The following TSPAN16 variants were observed in gnomAD, a reference collection of about 807,000 sequenced individuals.
TSPAN16 encodes tetraspanin 16, also known as tetraspanin-16.
A neutral mutation model predicts 25.2 loss-of-function variants in TSPAN16; 23 were observed. That is an observed-to-expected ratio of 0.91 (90% CI 0.66 to 1.29). TSPAN16 has a LOEUF of 1.29. TSPAN16 is among the 50% of genes most tolerant of loss of function. The pLI, the probability that TSPAN16 is intolerant of heterozygous loss-of-function variation, is 0.00. For synonymous variants in TSPAN16, 123 were observed against 124.4 expected (o/e 0.99, Z 0.08); for missense variants, 272 against 299.9 (o/e 0.91, Z 0.69).
At chr19:11,324,494 CCAGCTAAA>C (rs139489541) in intron 6 of TSPAN16, 32,922 of 152,178 alleles carry the variant, frequency 0.22, 6,463 homozygotes, top group African/African-American at 0.53. Flanking sequence ...TAAAACACAA[CCAGCTAAA>C]CAGCTAAACA....
At chr19:11,296,524 G>A (rs1396795409) in intron 1 of TSPAN16, among the ~76,000 whole-genome samples, 158 bp downstream of exon 1, 1 of 152,116 alleles carries the variant, frequency 6.6e-6, no homozygotes, top group Non-Finnish European at 1.5e-5. Flanking sequence ...GGAGGAGCAG[G>A]GAGCGTGGGG....
chr19:11,306,137 G>A (rs770879633), intron 4 of TSPAN16, among the ~76,000 whole-genome samples: 11 of 152,244 alleles, frequency 7.2e-5, no homozygotes, highest in Admixed American at 2.0e-4. Flanking sequence ...GCGTGGGGGC[G>A]TGTGCCTGAA....
intron 6 of TSPAN16, among the ~76,000 whole-genome samples, chr19:11,325,929 G>A (rs934395013): frequency 6.6e-6 from 1 of 151,930 alleles, no homozygotes; most frequent in African/African-American, 2.4e-5. Flanking sequence ...TTTTTAAAAA[G>A]TAGATGGGCG....
At chr19:11,311,415 T>G (rs1232949354) in intron 5 of TSPAN16, among the ~76,000 whole-genome samples, 2 of 151,022 alleles carry the variant, frequency 1.3e-5, no homozygotes, top group South Asian at 2.1e-4. Flanking sequence ...ATTATAGGCA[T>G]GAACCACCAC....
chr19:11,309,597 A>C (rs1241935570), intron 5 of TSPAN16, among the ~76,000 whole-genome samples: 1 of 152,176 alleles, frequency 6.6e-6, no homozygotes, highest in African/African-American at 2.4e-5. Context: ...CTTCCCATCT[A>C]TAAAAGTATC....
At position 11,296,313 on chromosome 19, in the gene TSPAN16, A is replaced by T; in HGVS notation, c.16A>T (p.Thr6Ser). 1 of 1,613,988 alleles carries T rather than the reference A, an allele frequency of 6.2e-7. No individual in the cohort carries two copies. Among genetic ancestry groups the T allele is most frequent in the South Asian group, 1.1e-5 (1 of 91,066 alleles). The change falls in exon 1 of 7, where the codon ACT becomes TCT. Residue 6 changes from threonine to serine, a missense_variant. Coordinates refer to ENST00000590327, the MANE Select transcript of TSPAN16 (RefSeq NM_001282509.2). ...TCTGTTCAGCATGGCTGAAATCCAC[A>T]CTCCGTATTCTTCCTTGAAGAAACT... MAEIH[T>S]PYSSLKKLLS...
intron 6 of TSPAN16, chr19:11,325,492 T>TCG (rs779863422): frequency 1.9e-6 from 3 of 1,613,414 alleles, no homozygotes; most frequent in Non-Finnish European, 2.5e-6. Context: ...TTCCAGGGAC[T>TCG]CGTTCATCTT....
chr19:11,310,743 T>C (rs536092154), intron 5 of TSPAN16, among the ~76,000 whole-genome samples: 3 of 152,330 alleles, frequency 2.0e-5, no homozygotes, highest in Admixed American at 2.0e-4. Context: ...TCTGTTCATA[T>C]GTAAAGAGCA....
chr19:11,304,754 G>C (rs2080607267), intron 4 of TSPAN16, among the ~76,000 whole-genome samples: 1 of 152,068 alleles, frequency 6.6e-6, no homozygotes, highest in South Asian at 2.1e-4. Context: ...TTGATCTCCT[G>C]ACCTCGTGAT....
intron 6 of TSPAN16, among the ~76,000 whole-genome samples, chr19:11,313,542 ATT>A (rs773991466): frequency 4.0e-5 from 6 of 148,716 alleles, no homozygotes; most frequent in Non-Finnish European, 5.9e-5. Context: ...AAAAAAAAAA[ATT>A]ATATCTTAAT....
downstream of TSPAN16, among the ~76,000 whole-genome samples, chr19:11,319,735 G>A (rs2080766595): frequency 6.6e-6 from 1 of 152,164 alleles, no homozygotes; most frequent in Admixed American, 6.6e-5. Context: ...TTGGGGAGGG[G>A]GGCACCACCC....
chr19:11,306,686 G>A lies in TSPAN16; in HGVS notation c.533G>A (p.Ser178Asn), dbSNP rs146263760. 6.2e-6 allele frequency: 10 copies of A among 1,613,964 alleles called. No individual in the cohort carries two copies. The highest frequency in any genetic ancestry group is 8.5e-6 in the Non-Finnish European group (10 of 1,180,046). The change falls in exon 5 of 7, where the codon AGT (serine) becomes AAT (asparagine). Residue 178 changes from serine to asparagine, a missense_variant. Coordinates refer to ENST00000590327, the MANE Select transcript of TSPAN16 (RefSeq NM_001282509.2). The part of the protein sequence containing the change: ...EMTTGHTYPR[S>N]CCKSIGSVSC... ...ACAACGGGCCACACCTACCCCAGGA[G>A]TTGCTGTAAATCCATCGGAAGTGTG... is the stretch of plus-strand genomic sequence containing the variant.
exon 7 of TSPAN16, chr19:11,326,890 G>C (rs318688): frequency 1.9e-5 from 11 of 564,648 alleles, no homozygotes; most frequent in Non-Finnish European, 3.5e-5. Flanking sequence ...GTTTACCAGC[G>C]TGAGCCACCA....
At chr19:11,300,714 G>A (rs368421762) in intron 3 of TSPAN16, 3 of 154,256 alleles carry the variant, frequency 1.9e-5, no homozygotes, top group Admixed American at 6.3e-5. Context: ...GAAGGGGTGG[G>A]AGAGAGACTT....
At chr19:11,322,520 G>C (rs145220050) in intron 6 of TSPAN16, 1 of 152,094 alleles carries the variant, frequency 6.6e-6, no homozygotes, top group Non-Finnish European at 1.5e-5. Context: ...GTTTTCCCAC[G>C]GCCTTTGGTT....
intron 4 of TSPAN16, among the ~76,000 whole-genome samples, chr19:11,301,828 AT>A (rs34234134): frequency 1.2e-3 from 169 of 144,716 alleles, no homozygotes; most frequent in Middle Eastern, 7.1e-3. Flanking sequence ...ATCGTTTAAC[AT>A]TTTTTTTTTT....
At chr19:11,318,807 C>A (rs1476139682), downstream of TSPAN16, among the ~76,000 whole-genome samples, 1 of 152,082 alleles carries the variant, frequency 6.6e-6, no homozygotes, top group African/African-American at 2.4e-5. Context: ...CCACCACACA[C>A]GGCTAATTTT....
In TSPAN16 at chr19:11,302,678, TACACAC is replaced by T. The variant is rs144679719; in HGVS notation, c.450+1394_450+1399del. Among the ~76,000 whole-genome samples the T allele has an allele frequency of 5.6e-4, 71 of 126,518 alleles. 1 individual carries two copies. Among genetic ancestry groups the T allele is most frequent in the East Asian group, 2.5e-3 (12 of 4,750 alleles). The allele number at this position is 126,518 out of a possible 152,430, so 83.0% of individuals were successfully genotyped here. ...ACACATACATATATATATATATATATACACACACACACACACACACACACACACATA... is the reference window on the plus strand; with the variant it reads ...ACACATACATATATATATATATATATACACACACACACACACACACACATA... On this transcript the variant is annotated intron_variant, in intron 4 of 6. Transcript: ENST00000590327.
At chr19:11,300,642 G>A (rs1264923112) in intron 3 of TSPAN16, 1 of 152,890 alleles carries the variant, frequency 6.5e-6, no homozygotes, top group Admixed American at 6.5e-5. Flanking sequence ...ACATCTCTTT[G>A]GGGACACAGG....
Sources: gnomAD v4.1 joint callset for allele counts (sites outside exome capture counted in the v4.1 genomes callset) on GRCh38, gnomAD v4.1.1 for gene constraint, MANE v1.5 for transcripts, NCBI Gene and HGNC (gene_info 2026-07-23, HGNC 2026-07-21) for gene names.